The following DENND2B variants were observed in gnomAD, a reference collection of about 807,000 sequenced individuals.
DENND2B encodes the protein DENN domain containing 2B, also known as DENN domain-containing protein 2B.
In DENND2B, 32 loss-of-function variants were observed where a neutral mutation model predicts 116.0. That is an observed-to-expected ratio of 0.28 (90% CI 0.21 to 0.37). The LOEUF (loss-of-function observed/expected upper bound fraction) is 0.37. Ranked by LOEUF, DENND2B falls within the 10% of genes least tolerant of loss-of-function variation. The pLI is 1.00. For synonymous variants in DENND2B, 588 were observed against 583.9 expected (o/e 1.01, Z -0.10); for missense variants, 1,276 against 1,477.7 (o/e 0.86, Z 2.24).
At chr11:8,846,527 G>A (rs559127208) in intron 3 of DENND2B, among the ~76,000 whole-genome samples, 2 of 152,230 alleles carry the variant, frequency 1.3e-5, no homozygotes, top group Admixed American at 6.5e-5. Flanking sequence ...GCCAAGACGC[G>A]GCTGCTTGCG....
chr11:8,833,665 G>T (rs1218331734), intron 4 of DENND2B, among the ~76,000 whole-genome samples: 1 of 152,102 alleles, frequency 6.6e-6, no homozygotes, highest in East Asian at 1.9e-4. Flanking sequence ...CCCAAGCAAA[G>T]ACCTTGGCTG....
chr11:8,812,196 C>G (rs1039201810), upstream of DENND2B, among the ~76,000 whole-genome samples: 13 of 152,226 alleles, frequency 8.5e-5, no homozygotes, highest in African/African-American at 2.7e-4. Flanking sequence ...ATTTCAAAAA[C>G]TGTCAACTTT....
intron 1 of DENND2B, chr11:8,809,793 A>C (rs1235309840): frequency 6.6e-6 from 1 of 152,106 alleles, no homozygotes; most frequent in East Asian, 1.9e-4. Context: ...TGCTGCTGAG[A>C]GCTCACTCTG....
chr11:8,884,761 C>A (rs1159162432), intron 1 of DENND2B, among the ~76,000 whole-genome samples: 1 of 152,166 alleles, frequency 6.6e-6, no homozygotes, highest in Non-Finnish European at 1.5e-5. Flanking sequence ...TTACTCCACC[C>A]TTTAAGGCAG....
At chr11:8,753,322 A>G (rs2052901603) in intron 1 of DENND2B, among the ~76,000 whole-genome samples, 1 of 152,258 alleles carries the variant, frequency 6.6e-6, no homozygotes, top group Non-Finnish European at 1.5e-5. Flanking sequence ...TCTATTAACA[A>G]TAGCAGCAAA....
intron 3 of DENND2B, among the ~76,000 whole-genome samples, chr11:8,842,735 T>A (rs192222314): frequency 5.9e-5 from 9 of 152,300 alleles, no homozygotes; most frequent in Non-Finnish European, 8.8e-5. Flanking sequence ...TAAAGTCTTA[T>A]TTCACTTATT....
In DENND2B at chr11:8,787,942, A is replaced by AG. The variant is rs770150809; in HGVS notation, c.-26+22574dup. 7.9e-5 allele frequency among the ~76,000 whole-genome samples: 12 copies of AG among 152,304 alleles called. No homozygotes were observed. In the South Asian group the frequency reaches 1.9e-3, roughly 24 times the overall value. On this transcript the variant is annotated intron_variant, in intron 1 of 19. Transcript: ENST00000313726. ...CCTCTAAGTTTGATGGCTATTACCTAGGAGACATGCATGCCTTCCCTGGTA... is the reference window on the plus strand; with the variant it reads ...CCTCTAAGTTTGATGGCTATTACCTAGGGAGACATGCATGCCTTCCCTGGTA...
At chr11:8,748,382 T>G (rs2051690956) in intron 2 of DENND2B, among the ~76,000 whole-genome samples, 1 of 152,238 alleles carries the variant, frequency 6.6e-6, no homozygotes, top group Admixed American at 6.5e-5. Flanking sequence ...GCACAGAGCC[T>G]GGCACCCAGG....
intron 4 of DENND2B, chr11:8,835,833 GACA>G (rs2062398649): frequency 6.6e-6 from 1 of 152,166 alleles, no homozygotes; most frequent in African/African-American, 2.4e-5. Flanking sequence ...ACTTCAACCA[GACA>G]TCGTTGGCAT....
rs182227794 is a variant in DENND2B, at chr11:8,849,352, G to A, written c.-156+7991C>T. On this transcript the variant is annotated intron_variant, in intron 3 of 6. Transcript: ENST00000524757. ...TACTAAAAACACAAAAATTTGCCAG[G>A]TGTGGTGGCAGATGGCTGTAATCCC... Among the ~76,000 whole-genome samples the A allele has an allele frequency of 5.3e-5, 8 of 152,074 alleles. No homozygotes were observed. The East Asian group carries it at 1.4e-3, about 26-fold the overall frequency.
At chr11:8,695,800 G>A (rs886610228) in intron 18 of DENND2B, 12 of 534,064 alleles carry the variant, frequency 2.2e-5, no homozygotes, top group Non-Finnish European at 3.7e-5. Flanking sequence ...TAGGTGAGGA[G>A]GCTGCTTCTC....
At chr11:8,811,063 G>T (rs1039506549), upstream of DENND2B, 1 of 384,126 alleles carries the variant, frequency 2.6e-6, no homozygotes, top group African/African-American at 2.1e-5. Context: ...CCCTGCCAGG[G>T]GGGAGGGAGC....
chr11:8,906,188 AAAG>A (rs1373483770), intron 1 of DENND2B, among the ~76,000 whole-genome samples: 1 of 147,386 alleles, frequency 6.8e-6, no homozygotes, highest in Non-Finnish European at 1.5e-5. Flanking sequence ...ATACCTCAAT[AAAG>A]AAGTCTTTTT....
chr11:8,710,795 C>CACACACACA, intron 11 of DENND2B, 50 bp downstream of exon 11: 1 of 1,164,434 alleles, frequency 8.6e-7, no homozygotes, highest in Non-Finnish European at 1.2e-6. Context: ...ACACACACAC[C>CACACACACA]CTGGCCTATC....
intron 1 of DENND2B, among the ~76,000 whole-genome samples, chr11:8,799,561 CTT>C (rs67190732): frequency 1.2e-3 from 133 of 114,040 alleles, no homozygotes; most frequent in Admixed American, 1.5e-3. Flanking sequence ...TCCTTTTTCT[CTT>C]TTTTTTTTTT....
chr11:8,784,851 GA>G (rs2058745652), intron 1 of DENND2B, among the ~76,000 whole-genome samples: 1 of 146,048 alleles, frequency 6.8e-6, no homozygotes. Context: ...AAAAAAAAAA[GA>G]AAAGAAACAG....
At chr11:8,879,706 A>C (rs900902197) in intron 2 of DENND2B, among the ~76,000 whole-genome samples, 3 of 152,162 alleles carry the variant, frequency 2.0e-5, no homozygotes, top group African/African-American at 7.2e-5. Context: ...GCTTTTCAAA[A>C]TGCAATGCTC....
chr11:8,859,945 A>G lies in DENND2B; in HGVS notation c.-249-2509T>C, dbSNP rs568568848. ...CCTCCCATACCTAGCAACATGTCAC[A>G]CCTGCCCCTGTCCCCAGAATTCCCC... On this transcript the variant is annotated intron_variant, in intron 2 of 6. Coordinates refer to the DENND2B transcript ENST00000524757. Among the ~76,000 whole-genome samples, 5 of 152,200 alleles carry G rather than the reference A, an allele frequency of 3.3e-5. No homozygotes were observed. The South Asian group carries it at 1.0e-3, about 32-fold the overall frequency.
chr11:8,753,799 T>C (rs1169572925), intron 1 of DENND2B, among the ~76,000 whole-genome samples: 4 of 152,126 alleles, frequency 2.6e-5, no homozygotes, highest in Admixed American at 1.3e-4. Flanking sequence ...AGACAATTCA[T>C]GGGGAAAGAA....
Sources: allele counts gnomAD v4.1 joint callset (sites outside exome capture counted in the v4.1 genomes callset), GRCh38; gene constraint gnomAD v4.1.1; transcripts MANE v1.5; gene names NCBI Gene and HGNC (gene_info 2026-07-23, HGNC 2026-07-21).